MMRN1: variants seen among roughly 807,000 people sequenced by gnomAD.
The protein encoded by MMRN1 is multimerin 1, also known as multimerin-1.
MMRN1 carries 94 observed loss-of-function variants against 100.7 expected under a neutral mutation model. The ratio of observed to expected loss-of-function variants is 0.93; its 90% CI spans 0.79 to 1.11. The LOEUF is 1.11. Ranked by LOEUF, MMRN1 falls within the 50% of genes least tolerant of loss-of-function variation. MMRN1 has a pLI of 0.00. For missense variants in MMRN1, 1,606 were observed against 1,439.1 expected, an observed-to-expected ratio of 1.12 and a Z score of -1.88; for synonymous variants, 575 against 505.0, an observed-to-expected ratio of 1.14 and a Z score of -1.86.
chr4:89,899,704 G>A (rs1416867002), intron 1 of MMRN1, among the ~76,000 whole-genome samples: 1 of 151,976 alleles, frequency 6.6e-6, no homozygotes, highest in Non-Finnish European at 1.5e-5. Context: ...ATCAGTGAAT[G>A]GCTAGTTCCA....
chr4:89,915,153 G>C (rs1293571178), intron 3 of MMRN1, among the ~76,000 whole-genome samples: 3 of 151,508 alleles, frequency 2.0e-5, no homozygotes, highest in Non-Finnish European at 3.0e-5. Context: ...ACTAACATTT[G>C]AATATGGGGC....
chr4:89,889,987 C>T (rs1721015862), upstream of MMRN1, among the ~76,000 whole-genome samples: 1 of 152,038 alleles, frequency 6.6e-6, no homozygotes, highest in South Asian at 2.1e-4. Flanking sequence ...TCAGTGAAGA[C>T]CTGCCATGCC....
chr4:89,903,263 G>GA (rs1231161681), intron 1 of MMRN1, among the ~76,000 whole-genome samples: 1 of 151,082 alleles, frequency 6.6e-6, no homozygotes, highest in African/African-American at 2.4e-5. Flanking sequence ...AGCTTGATTG[G>GA]AAAAAATAAA....
In MMRN1 at chr4:89,912,048, G is replaced by C. The variant is rs767329491; in HGVS notation, c.848G>C (p.Arg283Thr). The change falls in exon 3 of 8, where the codon AGA (arginine) becomes ACA (threonine). Residue 283 changes from arginine to threonine, a missense_variant and splice_region_variant. By Grantham distance (71) the Arg-to-Thr change is moderately conservative. Coordinates refer to ENST00000264790, the MANE Select transcript of MMRN1 (RefSeq NM_007351.3). ...PGYSGPKCQL[R>T]AQEQQSLIHT... is the part of the protein sequence containing the mutation. ...TACAGTGGGCCGAAATGTCAACTAA[G>C]AGGTACACTCTAATATTAATAATCA... 2 of 1,569,484 alleles carry C rather than the reference G, an allele frequency of 1.3e-6. No homozygotes were observed. Among genetic ancestry groups the C allele is most frequent in the East Asian group, 4.5e-5 (2 of 44,212 alleles).
chr4:89,909,447 T>C (rs1721676423), intron 2 of MMRN1, 52 bp downstream of exon 2: 3 of 1,583,064 alleles, frequency 1.9e-6, no homozygotes, highest in Non-Finnish European at 2.6e-6. Flanking sequence ...TAATAAATTA[T>C]AGCCGGGAAT....
At chr4:89,923,054 ATCATGCT>A (rs1374242625) in intron 3 of MMRN1, 107 bp from the exon 4 acceptor site, 6 of 826,788 alleles carry the variant, frequency 7.3e-6, no homozygotes, top group Non-Finnish European at 1.2e-5. Context: ...ATCCCCGACC[ATCATGCT>A]TCAGTACGCG....
intron 6 of MMRN1, among the ~76,000 whole-genome samples, chr4:89,948,443 A>G (rs1035374661): frequency 6.6e-6 from 1 of 152,232 alleles, no homozygotes; most frequent in Non-Finnish European, 1.5e-5. Flanking sequence ...AAATTTTATT[A>G]TCAATAATAA....
At position 89,935,160 on chromosome 4, in the gene MMRN1, C is replaced by A. The variant is rs749665625; in HGVS notation, c.1480C>A (p.Gln494Lys). The A allele has an allele frequency of 3.7e-6, 6 of 1,613,264 alleles. No individual in the cohort carries two copies. The highest frequency in any genetic ancestry group is 5.1e-6 in the Non-Finnish European group (6 of 1,179,600). The change falls in exon 6 of 8, where the codon CAG becomes AAG. Residue 494 changes from glutamine (Q) to lysine (K), a missense_variant. Transcript: ENST00000264790. ...KQTHLEGALEQEHSRSILYYE... is the reference protein window; with the variant it reads ...KQTHLEGALEKEHSRSILYYE... ...GACTCATTTAGAAGGTGCTCTAGAA[C>A]AGGAACACTCAAGAAGCATTCTGTA...
At chr4:89,923,305 C>T in intron 4 of MMRN1, 33 bp downstream of exon 4, 1 of 1,523,338 alleles carries the variant, frequency 6.6e-7, no homozygotes, top group South Asian at 1.1e-5. Context: ...ATCTCTGACC[C>T]AATTATTGTC....
chr4:89,925,319 T>G (rs1343160337), intron 4 of MMRN1, among the ~76,000 whole-genome samples: 1 of 140,740 alleles, frequency 7.1e-6, no homozygotes, highest in Non-Finnish European at 1.5e-5. Flanking sequence ...TTTTTTTTTT[T>G]TTTTTTTTTG....
intron 6 of MMRN1, among the ~76,000 whole-genome samples, chr4:89,937,567 T>C (rs529590388): frequency 6.6e-6 from 1 of 152,238 alleles, no homozygotes; most frequent in South Asian, 2.1e-4. Context: ...GATGTATTAG[T>C]AAGTTTCTGT....
At chr4:89,888,211 A>G (rs1720979399) in intron 1 of MMRN1, among the ~76,000 whole-genome samples, 1 of 151,998 alleles carries the variant, frequency 6.6e-6, no homozygotes. Flanking sequence ...TCTCTAGTAT[A>G]TCTTATAGGG....
chr4:89,890,233 C>CTTT (rs111715316), upstream of MMRN1, among the ~76,000 whole-genome samples: 1 of 133,194 alleles, frequency 7.5e-6, no homozygotes, highest in Admixed American at 7.5e-5. Flanking sequence ...TTTTATTTTG[C>CTTT]TTTTTTTTTT....
intron 5 of MMRN1, among the ~76,000 whole-genome samples, chr4:89,931,520 A>G (rs1180604494): frequency 1.3e-5 from 2 of 152,182 alleles, no homozygotes; most frequent in South Asian, 2.1e-4. Context: ...GTCATTGATT[A>G]TTGTGTTAGT....
At chr4:89,891,992 A>G (rs1721065758), upstream of MMRN1, among the ~76,000 whole-genome samples, 1 of 151,460 alleles carries the variant, frequency 6.6e-6, no homozygotes, top group Admixed American at 6.6e-5. Context: ...TTCTCTTTTA[A>G]CTCACATTTA....
intron 6 of MMRN1, among the ~76,000 whole-genome samples, chr4:89,938,210 T>C (rs920555296): frequency 3.3e-5 from 5 of 151,690 alleles, no homozygotes; most frequent in African/African-American, 1.2e-4. Context: ...TATTTATTTA[T>C]GACTCCCCCA....
intron 4 of MMRN1, among the ~76,000 whole-genome samples, chr4:89,925,004 C>T (rs958590472): frequency 1.3e-4 from 20 of 151,932 alleles, no homozygotes; most frequent in East Asian, 1.9e-4. Flanking sequence ...TTTATCCTTT[C>T]GGTTACAAAC....
intron 3 of MMRN1, among the ~76,000 whole-genome samples, chr4:89,915,609 A>T (rs75074364): frequency 6.6e-6 from 1 of 151,452 alleles, no homozygotes; most frequent in South Asian, 2.1e-4. Context: ...TAAAAAAAAA[A>T]GCATCTAATA....
At chr4:89,918,277 G>A (rs754447257) in intron 3 of MMRN1, among the ~76,000 whole-genome samples, 2 of 151,234 alleles carry the variant, frequency 1.3e-5, no homozygotes, top group Non-Finnish European at 3.0e-5. Flanking sequence ...AGTTTAATAA[G>A]GGGAATTTTC....
Sources: gnomAD v4.1 joint callset for allele counts (sites outside exome capture counted in the v4.1 genomes callset) on GRCh38, gnomAD v4.1.1 for gene constraint, MANE v1.5 for transcripts, NCBI Gene and HGNC (gene_info 2026-07-23, HGNC 2026-07-21) for gene names.